CHTOP: variants seen among roughly 807,000 people sequenced by gnomAD.
CHTOP encodes the protein chromatin target of PRMT1.
A neutral mutation model predicts 33.6 loss-of-function variants in CHTOP; 18 were observed. The observed-to-expected ratio is 0.54, with a 90% confidence interval of 0.37 to 0.80. The LOEUF is 0.80. Ranked by LOEUF, CHTOP falls within the 30% of genes least tolerant of loss-of-function variation. The pLI, the probability that CHTOP is intolerant of heterozygous loss-of-function variation, is 0.00. For synonymous variants in CHTOP, 117 were observed against 127.7 expected (o/e 0.92, Z 0.56); for missense variants, 263 against 336.8 (o/e 0.78, Z 1.71).
intron 2 of CHTOP, chr1:153,637,960 T>G (rs1668469587): frequency 3.7e-6 from 1 of 268,260 alleles, no homozygotes; most frequent in Non-Finnish European, 7.3e-6. Context: ...GGTTTAGGCT[T>G]TCTTCATTTG....
chr1:153,638,471 T>A, intron 3 of CHTOP, 23 bp downstream of exon 3: 1 of 1,613,906 alleles, frequency 6.2e-7, no homozygotes, highest in Non-Finnish European at 8.5e-7. Context: ...GTCTTAATGC[T>A]CCAGAAGCAG....
chr1:153,638,087 C>T (rs746530847), intron 2 of CHTOP: 34 of 576,100 alleles, frequency 5.9e-5, no homozygotes, highest in Non-Finnish European at 1.0e-4. Flanking sequence ...GTTGAATGTG[C>T]TGCACTTAGC....
chr1:153,638,924 A>G (rs1355523118), intron 3 of CHTOP, among the ~76,000 whole-genome samples: 2 of 147,468 alleles, frequency 1.4e-5, no homozygotes, highest in Admixed American at 6.9e-5. Context: ...TCTGTCGCCC[A>G]GGCTGGAGTG....
At position 153,636,608 on chromosome 1, in the gene CHTOP, C is replaced by G; in HGVS notation, c.20C>G (p.Pro7Arg). The change falls in exon 2 of 6, where the codon CCG (proline) becomes CGG (arginine). Residue 7 changes from proline (P) to arginine (R), a missense_variant. Physicochemically the swap from Pro to Arg is moderately radical, Grantham distance 103 (BLOSUM62 -2). Transcript: ENST00000368694. Reference protein sequence around the residue: MAAQSAPKVVLKSTTKM... With the variant: MAAQSARKVVLKSTTKM... ...TCGAAGATGGCTGCACAGTCAGCGC[C>G]GAAAGTTGTGCTAAAAAGCACCACC... 1 of 1,613,490 alleles carries G rather than the reference C, an allele frequency of 6.2e-7. No individual in the cohort carries two copies. The highest frequency in any genetic ancestry group is 8.5e-7 in the Non-Finnish European group (1 of 1,179,568).
intron 3 of CHTOP, chr1:153,639,480 A>G (rs777491896): frequency 7.8e-6 from 6 of 772,890 alleles, no homozygotes; most frequent in Non-Finnish European, 9.4e-6. Flanking sequence ...TTGCATGGCT[A>G]TGCATAAATT....
intron 1 of CHTOP, 29 bp downstream of exon 1, chr1:153,634,372 G>A (rs1309223769): frequency 2.6e-5 from 4 of 153,134 alleles, no homozygotes; most frequent in Non-Finnish European, 4.4e-5. Flanking sequence ...AAGGAGCCGG[G>A]GGAGGTGCGG....
chr1:153,645,405 C>T lies in CHTOP; in HGVS notation c.*136C>T, dbSNP rs1571323303. 1 of 735,210 alleles carries T rather than the reference C, an allele frequency of 1.4e-6. No homozygotes were observed. The highest frequency in any genetic ancestry group is 2.2e-6 in the Non-Finnish European group (1 of 464,252). The allele number at this position is 735,210 out of a possible 1,614,324, so 45.5% of individuals were successfully genotyped here. ...AGGCTGTGGACTTACTTGCCACCAGCTTGTGCATTTAGTGTGTTCCTTTTA... is the reference window on the plus strand; with the variant it reads ...AGGCTGTGGACTTACTTGCCACCAGTTTGTGCATTTAGTGTGTTCCTTTTA... On this transcript the variant is annotated 3_prime_UTR_variant, in exon 6 of 6. Transcript: ENST00000368694.
Position 153,642,404 on chromosome 1 carries a change from A to G in CHTOP, c.378A>G (p.Leu126=), listed in dbSNP as rs375453214. The part of the protein sequence containing the change: ...GLRGGRATRT[L]LRGGMSLRGQ... ...GTGGGGGACGTGCCACCAGAACCCTACTTAGGGGCGGGATGTCACTCCGAG... is the reference window on the plus strand; with the variant it reads ...GTGGGGGACGTGCCACCAGAACCCTGCTTAGGGGCGGGATGTCACTCCGAG... Residue 126 remains leucine (L), a synonymous_variant, in exon 4 of 6, where the codon CTA becomes CTG. Coordinates refer to ENST00000368694, the MANE Select transcript of CHTOP (RefSeq NM_015607.4). 6 of 1,613,664 alleles carry G rather than the reference A, an allele frequency of 3.7e-6. No individual in the cohort carries two copies. The highest frequency in any genetic ancestry group is 4.2e-6 in the Non-Finnish European group (5 of 1,179,698).
chr1:153,635,664 T>C (rs1668355486), intron 1 of CHTOP, among the ~76,000 whole-genome samples: 1 of 150,512 alleles, frequency 6.6e-6, no homozygotes. Flanking sequence ...CTACTAAAAA[T>C]AAAAAAAAAT....
intron 4 of CHTOP, 96 bp downstream of exon 4, chr1:153,642,525 G>T: frequency 1.0e-6 from 1 of 955,438 alleles, no homozygotes. Context: ...CTTTAAGCCT[G>T]AATTTGTATT....
At chr1:153,641,203 AACAC>A (rs984967841) in intron 3 of CHTOP, among the ~76,000 whole-genome samples, 2 of 152,236 alleles carry the variant, frequency 1.3e-5, no homozygotes, top group African/African-American at 4.8e-5. Flanking sequence ...TTGATTAGAA[AACAC>A]ACACATACAC....
In CHTOP at chr1:153,645,142, C is replaced by T. The variant is rs757913399; in HGVS notation, c.620C>T (p.Ala207Val). 1.2e-6 allele frequency: 2 copies of T among 1,614,026 alleles called. No homozygotes were observed. Among genetic ancestry groups the T allele is most frequent in the Non-Finnish European group, 1.7e-6 (2 of 1,180,022 alleles). The change falls in exon 6 of 6, where the codon GCT (alanine) becomes GTT (valine). Residue 207 changes from alanine (A) to valine (V), a missense_variant. Coordinates refer to ENST00000368694, the MANE Select transcript of CHTOP (RefSeq NM_015607.4). ...CGTGGACGAGGGAGAGGTGCCCTTG[C>T]TCGCCCTGTATTGACCAAGGAGCAG... The part of the protein sequence containing the change: ...RGRGRGRGAL[A>V]RPVLTKEQLD...
chr1:153,642,445 C>A lies in CHTOP; in HGVS notation c.403+16C>A. The A allele has an allele frequency of 6.3e-7, 1 of 1,579,626 alleles. No individual in the cohort carries two copies. The highest frequency in any genetic ancestry group is 8.6e-7 in the Non-Finnish European group (1 of 1,158,506). On this transcript the variant is annotated intron_variant, in intron 4 of 5. Transcript: ENST00000368694. ...TCACTCCGAGGTCAGTGCTGTGTAC[C>A]CTGATAATTGTCGGGCCCTACTCCC...
chr1:153,636,024 G>A (rs1454892692), intron 1 of CHTOP, among the ~76,000 whole-genome samples: 1 of 151,876 alleles, frequency 6.6e-6, no homozygotes, highest in Non-Finnish European at 1.5e-5. Flanking sequence ...GGGCTCTAGC[G>A]ATTCTCCCAC....
At chr1:153,634,866 G>T (rs201813995) in intron 1 of CHTOP, among the ~76,000 whole-genome samples, 4,673 of 44,682 alleles carry the variant, frequency 0.1, 216 homozygotes, top group African/African-American at 0.27. Flanking sequence ...ATTTTTTTTT[G>T]GGGGGGGACG....
chr1:153,641,125 C>G (rs1668607456), intron 3 of CHTOP, among the ~76,000 whole-genome samples: 1 of 152,236 alleles, frequency 6.6e-6, no homozygotes, highest in African/African-American at 2.4e-5. Context: ...GCCTTCCCCA[C>G]TGATGAGAAG....
At chr1:153,635,887 T>C (rs1222776709) in intron 1 of CHTOP, among the ~76,000 whole-genome samples, 2 of 151,692 alleles carry the variant, frequency 1.3e-5, no homozygotes, top group African/African-American at 2.4e-5. Flanking sequence ...TTTTGAGAAA[T>C]TCCCGGGTAT....
At chr1:153,642,812 G>C (rs1368331716) in intron 4 of CHTOP, 1 of 219,968 alleles carries the variant, frequency 4.5e-6, no homozygotes, top group African/African-American at 2.3e-5. Context: ...GCTGGAAAAA[G>C]AGGACAAGTT....
chr1:153,644,533 T>C (rs1668737389), intron 5 of CHTOP: 1 of 153,414 alleles, frequency 6.5e-6, no homozygotes, highest in Admixed American at 6.5e-5. Flanking sequence ...TCAGAAAAAC[T>C]CAGTCTCCTG....
Sources: gnomAD v4.1 joint callset for allele counts (sites outside exome capture counted in the v4.1 genomes callset) on GRCh38, gnomAD v4.1.1 for gene constraint, MANE v1.5 for transcripts, NCBI Gene and HGNC (gene_info 2026-07-23, HGNC 2026-07-21) for gene names.